Variants in GCH1 observed in about 807,000 individuals in gnomAD.
The protein encoded by GCH1 is GTP cyclohydrolase 1, also known as GTP cyclohydrolase I.
A neutral mutation model predicts 25.9 loss-of-function variants in GCH1; 5 were observed. The ratio of observed to expected loss-of-function variants is 0.19; its 90% CI spans 0.10 to 0.41. The LOEUF (loss-of-function observed/expected upper bound fraction) is 0.41, where lower values mean the gene tolerates loss of function less well. GCH1 is among the 10% of genes least tolerant of loss of function. The pLI is 1.00. For synonymous variants in GCH1, 159 were observed against 129.6 expected (o/e 1.23, Z -1.54); for missense variants, 261 against 336.5 (o/e 0.78, Z 1.75).
At chr14:54,852,027 T>C (rs1361954455) in intron 3 of GCH1, among the ~76,000 whole-genome samples, 1 of 152,224 alleles carries the variant, frequency 6.6e-6, no homozygotes, top group East Asian at 1.9e-4. Context: ...TGACCTCAGG[T>C]GATCTGCCCG....
chr14:54,879,959 TGGGTGAC>T (rs1266621713), intron 1 of GCH1, among the ~76,000 whole-genome samples: 4 of 122,300 alleles, frequency 3.3e-5, no homozygotes, highest in African/African-American at 1.3e-4. Context: ...CACTCCAGCC[TGGGTGAC>T]AGAGTAAGGC....
intron 1 of GCH1, 147 bp from the exon 2 acceptor site, chr14:54,865,583 T>C: frequency 1.5e-6 from 1 of 646,588 alleles, no homozygotes; most frequent in Non-Finnish European, 2.8e-6. Context: ...ATATTTTTCC[T>C]TATCAAAGTA....
intron 3 of GCH1, among the ~76,000 whole-genome samples, chr14:54,847,627 C>T (rs895469394): frequency 6.6e-6 from 1 of 151,932 alleles, no homozygotes; most frequent in Admixed American, 6.6e-5. Flanking sequence ...TATTGTGGGA[C>T]CCTGCGATCA....
chr14:54,863,884 A>G (rs2039955356), intron 2 of GCH1, among the ~76,000 whole-genome samples: 1 of 151,236 alleles, frequency 6.6e-6, no homozygotes, highest in South Asian at 2.1e-4. Context: ...AGGGTCTGGC[A>G]GTCTGGCTCT....
chr14:54,844,535 C>A (rs1292238909), intron 5 of GCH1, among the ~76,000 whole-genome samples: 2 of 152,226 alleles, frequency 1.3e-5, no homozygotes, highest in African/African-American at 4.8e-5. Context: ...ACTTGCTCTG[C>A]CTTCAGGACC....
chr14:54,851,791 C>G (rs1306458353), intron 3 of GCH1, among the ~76,000 whole-genome samples: 3 of 152,140 alleles, frequency 2.0e-5, no homozygotes, highest in Non-Finnish European at 4.4e-5. Flanking sequence ...TAAACTAGTT[C>G]AACCATTGTG....
Position 54,902,542 on chromosome 14 carries a change from C to T in GCH1, c.122G>A (p.Arg41Gln). Residue 41 changes from arginine to glutamine, a missense_variant, in exon 1 of 6, where the codon CGG becomes CAG. Around this residue, in one of 3 missense-constraint regions of GCH1, gnomAD observed 125 missense variants for 128.7 expected, o/e 0.97. Transcript: ENST00000491895. ...GPSRPAEKPP[R>Q]PEAKSAQPAD... ...GGGCTGCGCGCTCTTGGCCTCGGGC[C>T]GCGGGGGCTTCTCCGCCGGCCTGCT... The T allele has an allele frequency of 1.3e-6, 2 of 1,549,282 alleles. No homozygotes were observed. Among genetic ancestry groups the T allele is most frequent in the Non-Finnish European group, 1.7e-6 (2 of 1,149,774 alleles).
chr14:54,883,901 A>G (rs1363931975), intron 1 of GCH1, among the ~76,000 whole-genome samples: 2 of 152,150 alleles, frequency 1.3e-5, no homozygotes, highest in Non-Finnish European at 2.9e-5. Context: ...TGAGGCAGGA[A>G]GGACCCAGGT....
In GCH1 at chr14:54,865,399, A is replaced by G; in HGVS notation, c.381T>C (p.Asp127=). ...LNDAIFDEDH[D]EMVIVKDIDM... The stretch of plus-strand genomic sequence containing the variant: ...CTATGTCCTTCACAATCACCATCTC[A>G]TCATGATCTTCATCAAATATAGCAT... The change falls in exon 2 of 6, where the codon GAT becomes GAC. Residue 127 remains aspartate, a synonymous_variant. Coordinates refer to ENST00000491895, the MANE Select transcript of GCH1 (RefSeq NM_000161.3). The G allele has an allele frequency of 1.3e-6, 2 of 1,545,962 alleles. No homozygotes were observed. The highest frequency in any genetic ancestry group is 2.2e-5 in the South Asian group (2 of 89,666).
At chr14:54,871,442 T>C (rs2040075868) in intron 1 of GCH1, among the ~76,000 whole-genome samples, 1 of 151,970 alleles carries the variant, frequency 6.6e-6, no homozygotes, top group Non-Finnish European at 1.5e-5. Flanking sequence ...TCAGAGTGCA[T>C]CTCCTCCTCC....
rs560901649 is a variant in GCH1, at chr14:54,869,406, T to C, written c.344-3970A>G. On this transcript the variant is annotated intron_variant, in intron 1 of 5. Transcript: ENST00000491895. ...TGAGATGTTAAACATCAGGAGAAAC[T>C]GGGGAAAGGGTATATGAAAACTCTC... Among the ~76,000 whole-genome samples, 29 of 152,158 alleles carry C rather than the reference T, an allele frequency of 1.9e-4. 2 individuals are homozygous for C. The South Asian group carries it at 6.0e-3, about 32-fold the overall frequency.
At chr14:54,882,297 G>A (rs1415504124) in intron 1 of GCH1, among the ~76,000 whole-genome samples, 1 of 152,246 alleles carries the variant, frequency 6.6e-6, no homozygotes, top group African/African-American at 2.4e-5. Flanking sequence ...GCAGTGGCCA[G>A]GGCCTCTCTG....
intron 1 of GCH1, among the ~76,000 whole-genome samples, chr14:54,890,595 A>G (rs2040411276): frequency 6.6e-6 from 1 of 152,228 alleles, no homozygotes; most frequent in African/African-American, 2.4e-5. Flanking sequence ...GCCAGAATGA[A>G]CTTTAAAGAC....
chr14:54,857,833 T>G (rs1244567889), intron 3 of GCH1, among the ~76,000 whole-genome samples: 1 of 151,936 alleles, frequency 6.6e-6, no homozygotes, highest in Non-Finnish European at 1.5e-5. Context: ...TCTCAGCAAC[T>G]TTTCAGCACT....
At chr14:54,858,808 G>A (rs2039852893) in intron 3 of GCH1, among the ~76,000 whole-genome samples, 1 of 152,104 alleles carries the variant, frequency 6.6e-6, no homozygotes, top group East Asian at 1.9e-4. Context: ...GGATATTTAA[G>A]GGCAATAAAA....
intron 2 of GCH1, among the ~76,000 whole-genome samples, chr14:54,862,409 G>A (rs1294891512): frequency 1.6e-5 from 2 of 123,698 alleles, no homozygotes; most frequent in Non-Finnish European, 3.2e-5. Flanking sequence ...TTTTGGACAC[G>A]GATTCACTCT....
At position 54,842,392 on chromosome 14, in the gene GCH1, A is replaced by G. The variant is rs2140036286; in HGVS notation, c.*1625T>C. The G allele has an allele frequency of 6.5e-6, 1 of 152,788 alleles. No individual in the cohort carries two copies. The highest frequency in any genetic ancestry group is 2.1e-4 in the South Asian group (1 of 4,830). 9.5% of individuals were successfully genotyped at this position (152,788 alleles called of 1,614,324 possible). On this transcript the variant is annotated 3_prime_UTR_variant, in exon 6 of 6. Coordinates refer to ENST00000491895, the MANE Select transcript of GCH1 (RefSeq NM_000161.3). The stretch of plus-strand genomic sequence containing the variant: ...GAAGTCACACTTGTTTTTACTTTAA[A>G]ATGCCAAACATGAGTTGAGTGCTCA...
At chr14:54,863,709 A>G (rs929692370) in intron 2 of GCH1, among the ~76,000 whole-genome samples, 6 of 152,280 alleles carry the variant, frequency 3.9e-5, no homozygotes, top group African/African-American at 1.4e-4. Flanking sequence ...ACTTACATAT[A>G]GTTGAAAAAC....
In GCH1 at chr14:54,843,611, A is replaced by G; in HGVS notation, c.*406T>C. 6.8e-6 allele frequency: 10 copies of G among 1,462,288 alleles called. No homozygotes were observed. The South Asian group carries it at 1.5e-4, about 22-fold the overall frequency. 90.6% of individuals were successfully genotyped at this position (1,462,288 alleles called of 1,614,324 possible). On this transcript the variant is annotated 3_prime_UTR_variant, in exon 6 of 6. Transcript: ENST00000491895. ...ATTTTAGCACTTTCGGCACTACACC[A>G]CTTTTATTGGAGGAAGAAAAAAAAC...
Sources: allele counts gnomAD v4.1 joint callset (sites outside exome capture counted in the v4.1 genomes callset), GRCh38; gene constraint gnomAD v4.1.1; regional missense constraint gnomAD v4.1.1; transcripts MANE v1.5; gene names NCBI Gene and HGNC (gene_info 2026-07-23, HGNC 2026-07-21).